WWOX: variants seen among roughly 807,000 people sequenced by gnomAD.
WWOX encodes WW domain-containing oxidoreductase.
In WWOX, 69 loss-of-function variants were observed where a neutral mutation model predicts 46.2. That is an observed-to-expected ratio of 1.49 (90% CI 1.23 to 1.82). The LOEUF (loss-of-function observed/expected upper bound fraction) is 1.82, where lower values mean the gene tolerates loss of function less well. WWOX is among the 40% of genes most tolerant of loss of function. The pLI is 0.00. For synonymous variants in WWOX, 359 were observed against 202.6 expected (o/e 1.77, Z -6.56); for missense variants, 919 against 542.6 (o/e 1.69, Z -6.89).
intron 8 of WWOX, among the ~76,000 whole-genome samples, chr16:79,012,955 G>T (rs1404886805): frequency 1.3e-5 from 2 of 152,214 alleles, no homozygotes; most frequent in African/African-American, 4.8e-5. Flanking sequence ...CCTTTGGGAG[G>T]CCGAGGCGGG....
At chr16:78,487,129 C>T (rs191215853) in intron 8 of WWOX, among the ~76,000 whole-genome samples, 1 of 152,332 alleles carries the variant, frequency 6.6e-6, no homozygotes, top group Admixed American at 6.5e-5. Flanking sequence ...TCTATAACAA[C>T]AGCATGGTGA....
chr16:78,621,320 A>G (rs377560004), intron 8 of WWOX, among the ~76,000 whole-genome samples: 1 of 151,830 alleles, frequency 6.6e-6, no homozygotes, highest in East Asian at 1.9e-4. Flanking sequence ...CCCCCTTCTA[A>G]CCCCCTACTC....
intron 8 of WWOX, among the ~76,000 whole-genome samples, chr16:79,177,441 T>C (rs2050822991): frequency 6.6e-6 from 1 of 152,204 alleles, no homozygotes; most frequent in South Asian, 2.1e-4. Flanking sequence ...ACACTTCCGC[T>C]AACCTCTTAT....
At chr16:79,112,604 C>T (rs1045112409) in intron 8 of WWOX, among the ~76,000 whole-genome samples, 7 of 152,160 alleles carry the variant, frequency 4.6e-5, no homozygotes, top group African/African-American at 1.4e-4. Flanking sequence ...CTTTTCATCT[C>T]GGTTTTATTT....
chr16:79,065,174 T>A (rs369637223), intron 8 of WWOX, among the ~76,000 whole-genome samples: 3 of 152,328 alleles, frequency 2.0e-5, no homozygotes, highest in African/African-American at 7.2e-5. Flanking sequence ...GAACAAAGGC[T>A]TCGGAAGCTT....
intron 8 of WWOX, among the ~76,000 whole-genome samples, chr16:78,718,530 A>T (rs2048620444): frequency 6.6e-6 from 1 of 152,078 alleles, no homozygotes. Flanking sequence ...CAGTCAGAAA[A>T]ATTTATCTTT....
intron 8 of WWOX, among the ~76,000 whole-genome samples, chr16:79,167,740 T>C (rs1246176016): frequency 6.6e-6 from 1 of 152,240 alleles, no homozygotes; most frequent in Non-Finnish European, 1.5e-5. Flanking sequence ...AACATTGTTT[T>C]AGTTGAGATG....
intron 8 of WWOX, among the ~76,000 whole-genome samples, chr16:78,859,077 A>G (rs2052655435): frequency 7.6e-6 from 1 of 130,848 alleles, no homozygotes; most frequent in Non-Finnish European, 1.6e-5. Context: ...TATATATGAA[A>G]AAAAGGACAA....
chr16:79,031,911 GATATCTATATAT>G (rs1207966534), intron 8 of WWOX, among the ~76,000 whole-genome samples: 6,182 of 108,874 alleles, frequency 0.057, 225 homozygotes, highest in Middle Eastern at 0.076. Flanking sequence ...TATATATATA[GATATCTATATAT>G]ATAGATATCT....
intron 8 of WWOX, among the ~76,000 whole-genome samples, chr16:78,998,874 C>A (rs927142082): frequency 2.0e-5 from 3 of 152,194 alleles, no homozygotes; most frequent in African/African-American, 7.2e-5. Context: ...TTCCCTTATG[C>A]CTGGCAGGGG....
chr16:78,195,322 C>T (rs1296824333), intron 5 of WWOX, among the ~76,000 whole-genome samples: 1 of 152,270 alleles, frequency 6.6e-6, no homozygotes, highest in African/African-American at 2.4e-5. Flanking sequence ...ACCCTAAGAC[C>T]ATGAACTTCT....
intron 8 of WWOX, among the ~76,000 whole-genome samples, chr16:78,755,408 G>C (rs1032169868): frequency 6.6e-6 from 1 of 152,044 alleles, no homozygotes; most frequent in African/African-American, 2.4e-5. Context: ...TATTCCCCTG[G>C]ACCATGATAT....
chr16:78,146,627 T>C (rs2034208251), intron 4 of WWOX, among the ~76,000 whole-genome samples: 1 of 152,172 alleles, frequency 6.6e-6, no homozygotes, highest in South Asian at 2.1e-4. Flanking sequence ...AAACAAAATG[T>C]TATCAAATGA....
intron 4 of WWOX, among the ~76,000 whole-genome samples, chr16:78,157,796 G>A (rs1393959757): frequency 6.6e-6 from 1 of 152,168 alleles, no homozygotes; most frequent in African/African-American, 2.4e-5. Flanking sequence ...GGTTACCATT[G>A]GTAGCACATC....
chr16:78,685,420 T>C (rs912740432), intron 8 of WWOX, among the ~76,000 whole-genome samples: 1 of 152,190 alleles, frequency 6.6e-6, no homozygotes, highest in African/African-American at 2.4e-5. Context: ...ATGGTAGATC[T>C]TCACCTGGGA....
intron 8 of WWOX, among the ~76,000 whole-genome samples, chr16:79,091,754 C>T (rs931387757): frequency 6.6e-6 from 1 of 150,988 alleles, no homozygotes; most frequent in African/African-American, 2.4e-5. Flanking sequence ...CACACCCGAC[C>T]GCATCTTTTT....
chr16:78,741,686 C>G (rs542857355), intron 8 of WWOX, among the ~76,000 whole-genome samples: 1 of 152,136 alleles, frequency 6.6e-6, no homozygotes, highest in African/African-American at 2.4e-5. Context: ...AAAACCCTGT[C>G]TATACTAAAA....
intron 8 of WWOX, among the ~76,000 whole-genome samples, chr16:79,028,880 C>T (rs1451003384): frequency 1.4e-5 from 2 of 142,234 alleles, no homozygotes; most frequent in African/African-American, 2.6e-5. Flanking sequence ...GATCACTTCA[C>T]AGTTTCCTGA....
intron 5 of WWOX, among the ~76,000 whole-genome samples, chr16:78,204,267 A>T (rs80074814): frequency 1.3e-5 from 2 of 151,970 alleles, no homozygotes; most frequent in Non-Finnish European, 2.9e-5. Context: ...AATTTTTTTT[A>T]TTTTTAATGT....
Sources: allele counts gnomAD v4.1 joint callset (sites outside exome capture counted in the v4.1 genomes callset), GRCh38; gene constraint gnomAD v4.1.1; transcripts MANE v1.5; gene names NCBI Gene and HGNC (gene_info 2026-07-23, HGNC 2026-07-21).